Variants in LEKR1 observed in about 807,000 individuals in gnomAD.
LEKR1 encodes protein LEKR1.
A neutral mutation model predicts 72.4 loss-of-function variants in LEKR1; 59 were observed. The observed-to-expected ratio is 0.82, with a 90% CI of 0.66 to 1.01. The LOEUF (loss-of-function observed/expected upper bound fraction) is 1.01, where lower values mean the gene tolerates loss of function less well. LEKR1 is among the 50% of genes least tolerant of loss of function. The pLI is 0.00. For missense variants in LEKR1, 728 were observed against 759.2 expected (o/e 0.96, Z 0.48); for synonymous variants, 257 against 263.2 (o/e 0.98, Z 0.23).
At chr3:157,023,774 A>G (rs908802259) in intron 10 of LEKR1, among the ~76,000 whole-genome samples, 2 of 152,156 alleles carry the variant, frequency 1.3e-5, no homozygotes, top group South Asian at 2.1e-4. Context: ...TCTTTCCACA[A>G]TTCATGGAAA....
At chr3:156,886,649 T>G (rs1307067319) in intron 3 of LEKR1, among the ~76,000 whole-genome samples, 1 of 152,190 alleles carries the variant, frequency 6.6e-6, no homozygotes, top group Non-Finnish European at 1.5e-5. Context: ...TCTACTTTTT[T>G]GTGGGACTCC....
intron 6 of LEKR1, among the ~76,000 whole-genome samples, chr3:156,973,430 T>C (rs1729416139): frequency 6.6e-6 from 1 of 152,100 alleles, no homozygotes; most frequent in Non-Finnish European, 1.5e-5. Flanking sequence ...TCTTGGGAGA[T>C]AATGCAGCTA....
intron 7 of LEKR1, among the ~76,000 whole-genome samples, chr3:156,987,949 C>G (rs1427269935): frequency 1.3e-5 from 2 of 152,156 alleles, no homozygotes; most frequent in African/African-American, 4.8e-5. Context: ...GTAATCTGGC[C>G]TTTCAGGTAA....
intron 3 of LEKR1, among the ~76,000 whole-genome samples, chr3:156,910,659 A>G (rs1723021211): frequency 6.6e-6 from 1 of 152,220 alleles, no homozygotes; most frequent in Admixed American, 6.5e-5. Context: ...GTTGCTGCAA[A>G]GGACATGACT....
chr3:156,984,602 G>A (rs374138113), intron 7 of LEKR1, among the ~76,000 whole-genome samples: 2 of 152,000 alleles, frequency 1.3e-5, no homozygotes, highest in Non-Finnish European at 2.9e-5. Flanking sequence ...GCTTGAACCC[G>A]GGAGGCAGAG....
In LEKR1 at chr3:157,028,397, G is replaced by A. The variant is rs760432865; in HGVS notation, c.1663G>A (p.Glu555Lys). The A allele has an allele frequency of 3.8e-6, 6 of 1,585,264 alleles. No individual in the cohort carries two copies. Among genetic ancestry groups the A allele is most frequent in the Non-Finnish European group, 5.1e-6 (6 of 1,166,362 alleles). ...QLIEQFNQSQEENTFLQETVR... is the reference protein window; with the variant it reads ...QLIEQFNQSQKENTFLQETVR... The stretch of plus-strand genomic sequence containing the variant: ...GATAGAGCAATTTAACCAGTCCCAG[G>A]AAGAGGTAGGAAGCAGATAGTGGTA... Residue 555 changes from glutamate (E) to lysine (K), a missense_variant, in exon 12 of 13, where the codon GAA becomes AAA. Coordinates refer to ENST00000356539, the MANE Select transcript of LEKR1 (RefSeq NM_001004316.3).
rs369304934 is a variant in LEKR1, at chr3:157,011,480, C to T, written c.1177C>T (p.Leu393=). Residue 393 remains leucine, a synonymous_variant, in exon 10 of 13, where the codon CTG becomes TTG. Transcript: ENST00000356539. ...QLQETLRQKL[L]SDDNWKEKIE... is the part of the protein sequence containing the mutation. ...GCAAGAAACCCTTAGACAGAAGCTG[C>T]TGAGTGATGATAACTGGAAGGAGAA... 16 of 1,612,420 alleles carry T rather than the reference C, an allele frequency of 9.9e-6. No homozygotes were observed. In the African/African-American group the frequency reaches 2.0e-4, roughly 20 times the overall value.
chr3:156,868,162 A>G (rs550065193), intron 3 of LEKR1, among the ~76,000 whole-genome samples: 2 of 152,072 alleles, frequency 1.3e-5, no homozygotes, highest in African/African-American at 2.4e-5. Flanking sequence ...TCAGCAGGCA[A>G]CCTTACTCAC....
intron 5 of LEKR1, among the ~76,000 whole-genome samples, chr3:156,930,032 G>C (rs1357242193): frequency 1.3e-5 from 2 of 152,154 alleles, no homozygotes; most frequent in Non-Finnish European, 2.9e-5. Flanking sequence ...AAGGAGTGAA[G>C]TGTGGTTTGG....
At chr3:156,860,639 T>A (rs910131535) in intron 3 of LEKR1, among the ~76,000 whole-genome samples, 1 of 152,132 alleles carries the variant, frequency 6.6e-6, no homozygotes, top group Non-Finnish European at 1.5e-5. Flanking sequence ...TAGAGGGTGA[T>A]GGGGCAAACA....
intron 6 of LEKR1, among the ~76,000 whole-genome samples, chr3:156,974,817 A>G (rs538000974): frequency 4.0e-4 from 61 of 152,302 alleles, no homozygotes; most frequent in Middle Eastern, 3.4e-3. Context: ...ATTTTGCCAT[A>G]GTTGCACTAT....
At chr3:157,027,562 T>A (rs1209831386) in intron 11 of LEKR1, among the ~76,000 whole-genome samples, 1 of 152,084 alleles carries the variant, frequency 6.6e-6, no homozygotes, top group Admixed American at 6.6e-5. Context: ...ACAGCTGTAA[T>A]CCCAGCACTT....
intron 6 of LEKR1, among the ~76,000 whole-genome samples, chr3:156,962,796 A>G (rs1276929142): frequency 6.6e-6 from 1 of 152,116 alleles, no homozygotes; most frequent in Non-Finnish European, 1.5e-5. Flanking sequence ...AGATAGCTGT[A>G]ATTCTGGTTC....
intron 9 of LEKR1, among the ~76,000 whole-genome samples, chr3:156,996,996 C>T (rs980931607): frequency 5.3e-5 from 8 of 150,572 alleles, no homozygotes; most frequent in East Asian, 2.0e-4. Flanking sequence ...ACCTGGGAGG[C>T]GGAGGTTGCA....
At chr3:156,972,101 A>G (rs181541391) in intron 6 of LEKR1, among the ~76,000 whole-genome samples, 1 of 152,298 alleles carries the variant, frequency 6.6e-6, no homozygotes, top group Non-Finnish European at 1.5e-5. Flanking sequence ...CAAATGTCCA[A>G]CTATTATAGA....
intron 3 of LEKR1, among the ~76,000 whole-genome samples, chr3:156,858,261 G>A (rs1716313845): frequency 6.6e-6 from 1 of 152,112 alleles, no homozygotes; most frequent in Non-Finnish European, 1.5e-5. Flanking sequence ...GAAAGAGAGT[G>A]AAGGACAGAG....
chr3:156,847,370 A>G (rs1714741154), intron 2 of LEKR1, among the ~76,000 whole-genome samples: 1 of 152,198 alleles, frequency 6.6e-6, no homozygotes, highest in African/African-American at 2.4e-5. Flanking sequence ...GTCTCCTCCA[A>G]AGTGCATCTT....
At position 156,899,636 on chromosome 3, in the gene LEKR1, G is replaced by A. The variant is rs778275394; in HGVS notation, c.264-20939G>A. Among the ~76,000 whole-genome samples the A allele has an allele frequency of 8.6e-4, 59 of 68,516 alleles. 1 individual carries two copies. The highest frequency in any genetic ancestry group is 2.1e-3 in the African/African-American group (34 of 16,138). 44.9% of individuals were successfully genotyped at this position (68,516 alleles called of 152,430 possible). A position where few individuals can be genotyped will look rare whatever the true frequency, so the allele number is the denominator to read the frequency against. Reference sequence around the variant, plus strand: ...CACACATATATACACATATATACACGCATATATACACATATATACACGCAT... The same window carrying A: ...CACACATATATACACATATATACACACATATATACACATATATACACGCAT... On this transcript the variant is annotated intron_variant, in intron 3 of 12. Coordinates refer to ENST00000356539, the MANE Select transcript of LEKR1 (RefSeq NM_001004316.3).
chr3:156,883,445 AT>A (rs1490178312), intron 3 of LEKR1, among the ~76,000 whole-genome samples: 4 of 152,164 alleles, frequency 2.6e-5, no homozygotes, highest in African/African-American at 9.7e-5. Context: ...AGAAGGCGTG[AT>A]TGGTTTTGAA....
Sources: gnomAD v4.1 joint callset for allele counts (sites outside exome capture counted in the v4.1 genomes callset) on GRCh38, gnomAD v4.1.1 for gene constraint, MANE v1.5 for transcripts, NCBI Gene and HGNC (gene_info 2026-07-23, HGNC 2026-07-21) for gene names.